CLSTN2: variants seen among roughly 807,000 people sequenced by gnomAD.
The protein encoded by CLSTN2 is calsyntenin-2.
A neutral mutation model predicts 101.2 loss-of-function variants in CLSTN2; 48 were observed. That is an observed-to-expected ratio of 0.47 (90% CI 0.38 to 0.60). CLSTN2 has a LOEUF of 0.60. CLSTN2 is among the 20% of genes least tolerant of loss of function. CLSTN2 has a pLI of 0.00. For synonymous variants in CLSTN2, 481 were observed against 463.6 expected (o/e 1.04, Z -0.48); for missense variants, 1,160 against 1,238.2 (o/e 0.94, Z 0.95).
intron 1 of CLSTN2, among the ~76,000 whole-genome samples, chr3:140,167,564 A>T (rs1049290380): frequency 6.6e-6 from 1 of 152,236 alleles, no homozygotes; most frequent in Non-Finnish European, 1.5e-5. Flanking sequence ...TTACACAGAC[A>T]GAATAAGAGT....
intron 8 of CLSTN2, among the ~76,000 whole-genome samples, chr3:140,494,403 A>T (rs1209179729): frequency 1.3e-5 from 2 of 152,208 alleles, no homozygotes; most frequent in African/African-American, 4.8e-5. Flanking sequence ...ACCTCTTCTG[A>T]TCAAGTTCAG....
chr3:140,553,870 G>A (rs187604349), intron 10 of CLSTN2, among the ~76,000 whole-genome samples: 1 of 152,202 alleles, frequency 6.6e-6, no homozygotes, highest in Non-Finnish European at 1.5e-5. Flanking sequence ...ACAGGGTTTG[G>A]TGAGTACTGA....
chr3:140,519,029 C>G (rs986076330), intron 8 of CLSTN2, among the ~76,000 whole-genome samples: 5 of 152,186 alleles, frequency 3.3e-5, no homozygotes, highest in Non-Finnish European at 5.9e-5. Flanking sequence ...TACATTGTCT[C>G]TTTGTTCTCA....
chr3:140,488,103 A>G (rs35841623), intron 8 of CLSTN2, among the ~76,000 whole-genome samples: 11,037 of 152,298 alleles, frequency 0.072, 564 homozygotes, highest in Non-Finnish European at 0.11. Context: ...ATGTCACATT[A>G]GGAACCCAGA....
intron 12 of CLSTN2, among the ~76,000 whole-genome samples, chr3:140,560,641 G>A (rs978822662): frequency 2.0e-5 from 3 of 152,156 alleles, no homozygotes; most frequent in South Asian, 2.1e-4. Context: ...AACCCAGCAC[G>A]CTCCCTTGTA....
chr3:139,937,839 C>T (rs1300514629), intron 1 of CLSTN2, among the ~76,000 whole-genome samples: 1 of 151,938 alleles, frequency 6.6e-6, no homozygotes, highest in African/African-American at 2.4e-5. Flanking sequence ...GTCCGAATTC[C>T]CCTTGTTCTC....
intron 1 of CLSTN2, among the ~76,000 whole-genome samples, chr3:140,130,107 C>G (rs557017528): frequency 7.9e-5 from 12 of 152,316 alleles, no homozygotes; most frequent in South Asian, 6.2e-4. Context: ...GTGACAGCCT[C>G]TAACACTGGT....
chr3:140,481,098 C>T (rs925728092), intron 8 of CLSTN2, among the ~76,000 whole-genome samples: 10 of 152,074 alleles, frequency 6.6e-5, no homozygotes, highest in Admixed American at 3.3e-4. Context: ...TTTAAGTCTT[C>T]AATCCATCTT....
chr3:140,153,633 T>A (rs549502318), intron 1 of CLSTN2, among the ~76,000 whole-genome samples: 2 of 152,250 alleles, frequency 1.3e-5, no homozygotes, highest in Non-Finnish European at 2.9e-5. Flanking sequence ...ACCTCACCTC[T>A]GAATTCCTTC....
intron 1 of CLSTN2, among the ~76,000 whole-genome samples, chr3:139,996,664 A>T (rs1462201105): frequency 6.6e-6 from 1 of 152,152 alleles, no homozygotes; most frequent in Non-Finnish European, 1.5e-5. Context: ...ATGAATTCTC[A>T]TGGTCTTTAT....
intron 1 of CLSTN2, among the ~76,000 whole-genome samples, chr3:140,158,422 A>C (rs985635991): frequency 6.6e-6 from 1 of 152,192 alleles, no homozygotes; most frequent in African/African-American, 2.4e-5. Context: ...CTGAAAGTCA[A>C]ATGAAGAACA....
At chr3:139,953,620 C>T (rs1029601037) in intron 1 of CLSTN2, among the ~76,000 whole-genome samples, 1 of 152,182 alleles carries the variant, frequency 6.6e-6, no homozygotes, top group African/African-American at 2.4e-5. Flanking sequence ...CAATGACTCA[C>T]AGGCATTGAT....
At chr3:140,499,793 G>A (rs1304800893) in intron 8 of CLSTN2, among the ~76,000 whole-genome samples, 2 of 152,242 alleles carry the variant, frequency 1.3e-5, no homozygotes, top group Admixed American at 6.5e-5. Flanking sequence ...GGCTGGGCGC[G>A]GTGGCTCACA....
intron 1 of CLSTN2, among the ~76,000 whole-genome samples, chr3:140,135,115 C>CATATAT (rs1560105560): frequency 1.7e-4 from 9 of 52,050 alleles, no homozygotes; most frequent in African/African-American, 3.9e-4. Context: ...CACACACACA[C>CATATAT]ACATATATAT....
intron 1 of CLSTN2, among the ~76,000 whole-genome samples, chr3:139,955,882 C>A (rs537395424): frequency 6.6e-6 from 1 of 152,290 alleles, no homozygotes; most frequent in African/African-American, 2.4e-5. Context: ...AAGATGGAGT[C>A]CCTGGAGAGG....
chr3:140,433,508 T>A (rs1159945372), intron 5 of CLSTN2, among the ~76,000 whole-genome samples: 1 of 152,210 alleles, frequency 6.6e-6, no homozygotes, highest in East Asian at 1.9e-4. Flanking sequence ...CTGACAGTTC[T>A]TTGAAATTTT....
chr3:140,010,337 T>A, intron 1 of CLSTN2, among the ~76,000 whole-genome samples: 1 of 152,204 alleles, frequency 6.6e-6, no homozygotes, highest in East Asian at 1.9e-4. Flanking sequence ...TATTGACTCA[T>A]GTAACTGAAA....
At chr3:140,554,214 G>T (rs1352418798) in intron 10 of CLSTN2, among the ~76,000 whole-genome samples, 1 of 152,140 alleles carries the variant, frequency 6.6e-6, no homozygotes, top group Non-Finnish European at 1.5e-5. Context: ...TGTGATGGTC[G>T]AAGGTGACAA....
chr3:140,071,063 C>G (rs1176725627), intron 1 of CLSTN2, among the ~76,000 whole-genome samples: 1 of 152,056 alleles, frequency 6.6e-6, no homozygotes, highest in African/African-American at 2.4e-5. Context: ...TATAAATACA[C>G]ACTACTTACT....
Sources: allele counts gnomAD v4.1 joint callset (sites outside exome capture counted in the v4.1 genomes callset), GRCh38; gene constraint gnomAD v4.1.1; transcripts MANE v1.5; gene names NCBI Gene and HGNC (gene_info 2026-07-23, HGNC 2026-07-21).